The following ATRNL1 variants were observed in gnomAD, a reference collection of about 807,000 sequenced individuals.
ATRNL1 encodes attractin-like protein 1.
In ATRNL1, 95 loss-of-function variants were observed where a neutral mutation model predicts 182.7. The ratio of observed to expected loss-of-function variants is 0.52; its 90% CI spans 0.44 to 0.62. ATRNL1 has a LOEUF of 0.62. Ranked by LOEUF, ATRNL1 falls within the 20% of genes least tolerant of loss-of-function variation. The probability of loss-of-function intolerance (pLI) is 0.00; values close to 1 mark genes in which losing one functional copy is unlikely to be tolerated. For synonymous variants in ATRNL1, 576 were observed against 568.3 expected (o/e 1.01, Z -0.19); for missense variants, 1,471 against 1,679.5 (o/e 0.88, Z 2.17).
At chr10:115,352,423 T>C (rs1592504619) in intron 19 of ATRNL1, among the ~76,000 whole-genome samples, 1 of 152,142 alleles carries the variant, frequency 6.6e-6, no homozygotes, top group East Asian at 1.9e-4. Context: ...TTTTTTGATG[T>C]AGGCAACATT....
chr10:115,539,795 A>T (rs969588909), intron 25 of ATRNL1, among the ~76,000 whole-genome samples: 2 of 152,124 alleles, frequency 1.3e-5, no homozygotes, highest in African/African-American at 2.4e-5. Context: ...ATCATAGTGG[A>T]GCTCTGGCTA....
chr10:115,274,830 G>A (rs1478835143), intron 13 of ATRNL1, among the ~76,000 whole-genome samples: 4 of 152,144 alleles, frequency 2.6e-5, no homozygotes, highest in African/African-American at 9.7e-5. Context: ...CAGTTTCCAG[G>A]GAATGTGTTA....
chr10:115,434,144 AT>A (rs1339078919), intron 21 of ATRNL1, among the ~76,000 whole-genome samples: 1 of 151,774 alleles, frequency 6.6e-6, no homozygotes, highest in East Asian at 1.9e-4. Context: ...CCTGAGAATG[AT>A]TTTATGTCAT....
At chr10:115,362,380 C>A (rs558647898) in intron 19 of ATRNL1, among the ~76,000 whole-genome samples, 1 of 151,916 alleles carries the variant, frequency 6.6e-6, no homozygotes, top group Admixed American at 6.6e-5. Flanking sequence ...TTATAATATA[C>A]AACATCATGT....
intron 8 of ATRNL1, among the ~76,000 whole-genome samples, chr10:115,181,953 A>G (rs1847763880): frequency 6.6e-6 from 1 of 151,684 alleles, no homozygotes; most frequent in Non-Finnish European, 1.5e-5. Context: ...AAGAATGCAA[A>G]GAGACAGATG....
intron 25 of ATRNL1, among the ~76,000 whole-genome samples, chr10:115,524,782 C>T (rs1417319710): frequency 2.0e-5 from 3 of 152,084 alleles, no homozygotes; most frequent in Admixed American, 1.3e-4. Context: ...ACACTGTGAG[C>T]AAGAATTTAG....
At chr10:115,224,376 T>A (rs781820788) in intron 9 of ATRNL1, among the ~76,000 whole-genome samples, 19 of 151,948 alleles carry the variant, frequency 1.3e-4, no homozygotes, top group Non-Finnish European at 2.5e-4. Flanking sequence ...TTTCTAAAAG[T>A]CTGAAAATCA....
At chr10:115,886,213 A>G (rs1555109764) in intron 28 of ATRNL1, among the ~76,000 whole-genome samples, 1 of 152,224 alleles carries the variant, frequency 6.6e-6, no homozygotes, top group East Asian at 1.9e-4. Flanking sequence ...TAGCAGAGAT[A>G]CATCAAACTC....
chr10:115,842,629 G>A lies in ATRNL1; in HGVS notation c.3904-5248G>A, dbSNP rs994045210. Among the ~76,000 whole-genome samples, 9 of 152,156 alleles carry A rather than the reference G, an allele frequency of 5.9e-5. No homozygotes were observed. In the South Asian group the frequency reaches 1.5e-3, roughly 25 times the overall value. ...GTTCTGATCACTAGTCAGAAATGGG[G>A]TAGGTATTTGCATATAATTGTTATA... On this transcript the variant is annotated intron_variant, in intron 27 of 28. Coordinates refer to ENST00000355044, the MANE Select transcript of ATRNL1 (RefSeq NM_207303.4).
chr10:115,438,309 C>G (rs1846504466), intron 21 of ATRNL1, among the ~76,000 whole-genome samples: 1 of 151,724 alleles, frequency 6.6e-6, no homozygotes, highest in Non-Finnish European at 1.5e-5. Flanking sequence ...TTTTTTTTAT[C>G]ACTGGTTACT....
At chr10:115,735,417 T>A (rs1450897437) in intron 27 of ATRNL1, among the ~76,000 whole-genome samples, 1 of 152,170 alleles carries the variant, frequency 6.6e-6, no homozygotes, top group African/African-American at 2.4e-5. Flanking sequence ...CTGTAGTAGG[T>A]CCCTTCATAT....
chr10:115,865,585 C>G (rs782373605), intron 28 of ATRNL1, among the ~76,000 whole-genome samples: 1 of 152,132 alleles, frequency 6.6e-6, no homozygotes, highest in Non-Finnish European at 1.5e-5. Flanking sequence ...TTGAACATAA[C>G]ATAGTATAGC....
At chr10:115,360,223 G>A (rs1856677309) in intron 19 of ATRNL1, among the ~76,000 whole-genome samples, 1 of 151,626 alleles carries the variant, frequency 6.6e-6, no homozygotes, top group Non-Finnish European at 1.5e-5. Context: ...TACACATAAT[G>A]TTATTATTGA....
chr10:115,507,571 T>G (rs2133659069), intron 24 of ATRNL1, among the ~76,000 whole-genome samples: 1 of 152,164 alleles, frequency 6.6e-6, no homozygotes. Context: ...GCTTCACTAC[T>G]TATTGACTGG....
chr10:115,306,829 C>T (rs1397928095), intron 17 of ATRNL1, among the ~76,000 whole-genome samples: 2 of 152,046 alleles, frequency 1.3e-5, no homozygotes, highest in Non-Finnish European at 2.9e-5. Context: ...TTTTTGAGAA[C>T]AATATAATTA....
intron 24 of ATRNL1, among the ~76,000 whole-genome samples, chr10:115,490,416 G>T (rs1341539226): frequency 6.6e-6 from 1 of 151,728 alleles, no homozygotes; most frequent in East Asian, 1.9e-4. Flanking sequence ...TGGAGGCTTT[G>T]TTTCTTTTTA....
intron 27 of ATRNL1, among the ~76,000 whole-genome samples, chr10:115,738,154 T>TTTTGTTTTTTTTTTTC (rs71010046): frequency 1.6e-5 from 1 of 63,870 alleles, no homozygotes; most frequent in Non-Finnish European, 3.3e-5. Flanking sequence ...TTTTTTTTTT[T>TTTTGTTTTTTTTTTTC]TTGAGATGGA....
chr10:115,504,134 T>A (rs1209135666), intron 24 of ATRNL1, among the ~76,000 whole-genome samples: 2 of 152,052 alleles, frequency 1.3e-5, no homozygotes, highest in Non-Finnish European at 2.9e-5. Flanking sequence ...TTACAAGTAT[T>A]TATCCCATTA....
chr10:115,133,722 AC>A (rs1490350632), intron 5 of ATRNL1, among the ~76,000 whole-genome samples: 1 of 152,102 alleles, frequency 6.6e-6, no homozygotes, highest in African/African-American at 2.4e-5. Flanking sequence ...AGAACTCTCC[AC>A]CCCAATTCGA....
Sources: allele counts gnomAD v4.1 joint callset (sites outside exome capture counted in the v4.1 genomes callset), GRCh38; gene constraint gnomAD v4.1.1; transcripts MANE v1.5; gene names NCBI Gene and HGNC (gene_info 2026-07-23, HGNC 2026-07-21).